Variants in CENPQ observed in about 807,000 individuals in gnomAD.
The protein encoded by CENPQ is chromosome 6 open reading frame 139.
Under a neutral mutation model 36.6 loss-of-function variants are expected in CENPQ, and 27 were observed. The ratio of observed to expected loss-of-function variants is 0.74; its 90% CI spans 0.54 to 1.02. The LOEUF (loss-of-function observed/expected upper bound fraction) is 1.02, where lower values mean the gene tolerates loss of function less well. Ranked by LOEUF, CENPQ falls within the 50% of genes least tolerant of loss-of-function variation. CENPQ has a pLI of 0.00. For synonymous variants in CENPQ, 101 were observed against 101.7 expected (o/e 0.99, Z 0.04); for missense variants, 306 against 301.8 (o/e 1.01, Z -0.10).
rs1768121222 is a variant in CENPQ, at chr6:49,471,031, A to G, written c.157+3A>G. 1.3e-6 allele frequency: 2 copies of G among 1,500,976 alleles called. No individual in the cohort carries two copies. Among genetic ancestry groups the G allele is most frequent in the Non-Finnish European group, 1.8e-6 (2 of 1,112,670 alleles). 93.0% of individuals were successfully genotyped at this position (1,500,976 alleles called of 1,614,324 possible). ...TCTGAAAGATCTGTCTTCTGAAGGT[A>G]TTTCTTTTCTATTACCTTGTTTAAC... On this transcript the variant is annotated splice_donor_region_variant and intron_variant, in intron 3 of 8. Coordinates refer to ENST00000335783, the MANE Select transcript of CENPQ (RefSeq NM_018132.4).
chr6:49,486,143 G>C (rs183069901), intron 6 of CENPQ, among the ~76,000 whole-genome samples: 1 of 152,308 alleles, frequency 6.6e-6, no homozygotes, highest in East Asian at 1.9e-4. Flanking sequence ...AAAAAGCCAC[G>C]TGAAAGCAAA....
At chr6:49,467,922 G>T (rs1288273265) in intron 1 of CENPQ, among the ~76,000 whole-genome samples, 1 of 152,162 alleles carries the variant, frequency 6.6e-6, no homozygotes, top group African/African-American at 2.4e-5. Context: ...TACTCAAAGT[G>T]TGTTCAGGAA....
At chr6:49,475,449 A>G (rs1443708689) in intron 5 of CENPQ, among the ~76,000 whole-genome samples, 1 of 152,242 alleles carries the variant, frequency 6.6e-6, no homozygotes, top group East Asian at 1.9e-4. Flanking sequence ...TTTTTATGAC[A>G]AATCCACAGC....
chr6:49,490,385 T>C (rs560724597), intron 8 of CENPQ, among the ~76,000 whole-genome samples: 21 of 152,366 alleles, frequency 1.4e-4, no homozygotes, highest in African/African-American at 4.6e-4. Context: ...TCAGCCTTCA[T>C]AGACTTGAAA....
chr6:49,470,059 G>C, intron 1 of CENPQ, 100 bp from the exon 2 acceptor site: 1 of 491,180 alleles, frequency 2.0e-6, no homozygotes. Flanking sequence ...AAAAGAGAAT[G>C]TGGAACATTT....
intron 5 of CENPQ, among the ~76,000 whole-genome samples, chr6:49,474,838 C>T (rs1424374732): frequency 6.6e-6 from 1 of 152,068 alleles, no homozygotes; most frequent in Non-Finnish European, 1.5e-5. Flanking sequence ...CACCACTGAT[C>T]CCACAGAGAT....
chr6:49,467,409 G>T (rs1768029174), intron 1 of CENPQ, among the ~76,000 whole-genome samples: 1 of 152,172 alleles, frequency 6.6e-6, no homozygotes, highest in Non-Finnish European at 1.5e-5. Flanking sequence ...ACTAGAGGTT[G>T]CAGGGAATGG....
intron 5 of CENPQ, among the ~76,000 whole-genome samples, chr6:49,477,736 CAGGG>C (rs1768332679): frequency 6.6e-6 from 1 of 151,948 alleles, no homozygotes; most frequent in African/African-American, 2.4e-5. Context: ...TGGGTTGGGT[CAGGG>C]TGGGAGTTTG....
intron 5 of CENPQ, among the ~76,000 whole-genome samples, chr6:49,473,928 TTAA>T (rs1324441352): frequency 4.6e-5 from 7 of 151,918 alleles, no homozygotes; most frequent in Non-Finnish European, 7.4e-5. Flanking sequence ...AAGAAGACCG[TTAA>T]TAATAGTAAA....
intron 6 of CENPQ, among the ~76,000 whole-genome samples, chr6:49,486,438 T>C (rs1167822263): frequency 6.6e-6 from 1 of 152,196 alleles, no homozygotes; most frequent in East Asian, 1.9e-4. Flanking sequence ...AACACAGGGC[T>C]GAGGAACCAG....
At chr6:49,470,666 T>C (rs1768110363) in intron 2 of CENPQ, among the ~76,000 whole-genome samples, 3 of 148,642 alleles carry the variant, frequency 2.0e-5, no homozygotes, top group South Asian at 4.4e-4. Flanking sequence ...TTTACCCTAC[T>C]CATTAGGCAA....
At chr6:49,488,210 A>C in intron 6 of CENPQ, 142 bp from the exon 7 acceptor site, 1 of 592,352 alleles carries the variant, frequency 1.7e-6, no homozygotes, top group Non-Finnish European at 2.8e-6. Context: ...GAAAGAAACA[A>C]AAGTAAATTC....
rs1768744283 is a variant in CENPQ, at chr6:49,492,378, A to G, written c.*103A>G. On this transcript the variant is annotated 3_prime_UTR_variant, in exon 9 of 9. Transcript: ENST00000335783. ...GTACAGAGGCTAAGGCTTCTGCAGG[A>G]TTTATTATCTCCTGATATGCACTTT... 17 of 974,084 alleles carry G rather than the reference A, an allele frequency of 1.7e-5. No individual in the cohort carries two copies. In the South Asian group the frequency reaches 3.3e-4, roughly 19 times the overall value. The allele number at this position is 974,084 out of a possible 1,614,324, so 60.3% of individuals were successfully genotyped here. A position where few individuals can be genotyped will look rare whatever the true frequency, so the allele number is the denominator to read the frequency against.
Position 49,480,983 on chromosome 6 carries a change from C to G in CENPQ, c.380C>G (p.Pro127Arg). The G allele has an allele frequency of 6.2e-7, 1 of 1,607,340 alleles. No homozygotes were observed. Among genetic ancestry groups the G allele is most frequent in the Non-Finnish European group, 8.5e-7 (1 of 1,176,410 alleles). ...LLQQCETLKVPPKKMEDLTNV... is the reference protein window; with the variant it reads ...LLQQCETLKVRPKKMEDLTNV... ...CAACAGTGTGAAACTCTGAAAGTCC[C>G]TCCCAAAAAGATGGAAGATTTAACT... Residue 127 changes from proline to arginine, a missense_variant, in exon 6 of 9, where the codon CCT becomes CGT. Transcript: ENST00000335783.
intron 6 of CENPQ, among the ~76,000 whole-genome samples, chr6:49,485,190 A>C (rs1407538214): frequency 1.3e-5 from 2 of 152,204 alleles, no homozygotes; most frequent in Non-Finnish European, 2.9e-5. Flanking sequence ...GTGCCTTAGA[A>C]CCATTGCTTT....
rs1768408868 is a variant in CENPQ at position 49,480,815 on chromosome 6, C to T, written c.348-136C>T. On this transcript the variant is annotated intron_variant, in intron 5 of 8. Coordinates refer to ENST00000335783, the MANE Select transcript of CENPQ (RefSeq NM_018132.4). ...CAGGGCTTTTAGAGGGGGAGATTTA[C>T]TGGCAATGTTACCCAGTGGTAATAA... 2.3e-5 allele frequency: 10 copies of T among 432,770 alleles called. No homozygotes were observed. In the South Asian group the frequency reaches 5.5e-4, roughly 24 times the overall value. 26.8% of individuals were successfully genotyped at this position (432,770 alleles called of 1,614,324 possible).
rs1475988835 is a variant in CENPQ at position 49,472,806 on chromosome 6, A to G, written c.295A>G (p.Ser99Gly). The G allele has an allele frequency of 1.4e-6, 2 of 1,455,348 alleles. No individual in the cohort carries two copies. The highest frequency in any genetic ancestry group is 9.3e-7 in the Non-Finnish European group (1 of 1,072,162). 90.2% of individuals were successfully genotyped at this position (1,455,348 alleles called of 1,614,324 possible). The stretch of plus-strand genomic sequence containing the variant: ...CTTTTCTAGGACAATTTTGAGTAAC[A>G]GTATTAAAGAAAAAGAAGAAATACA... ...ESVIMTILSN[S>G]IKEKEEIQYH... Residue 99 changes from serine to glycine, a missense_variant, in exon 5 of 9, where the codon AGT becomes GGT. Ser to Gly is a moderately conservative substitution (Grantham distance 56). Transcript: ENST00000335783.
At position 49,482,173 on chromosome 6, in the gene CENPQ, C is replaced by T. The variant is rs549991321; in HGVS notation, c.477+1093C>T. Among the ~76,000 whole-genome samples, 7 of 152,300 alleles carry T rather than the reference C, an allele frequency of 4.6e-5. No homozygotes were observed. The East Asian group carries it at 9.7e-4, about 21-fold the overall frequency. Reference sequence around the variant, plus strand: ...AACTCCAGCTGGCCCGCAAGCACCGCGCGCAGCCCCGGTTCCCGCTCGCAC... The same window carrying T: ...AACTCCAGCTGGCCCGCAAGCACCGTGCGCAGCCCCGGTTCCCGCTCGCAC... On this transcript the variant is annotated intron_variant, in intron 6 of 8. Transcript: ENST00000335783.
chr6:49,466,736 G>A (rs1450812868), intron 1 of CENPQ, among the ~76,000 whole-genome samples: 1 of 151,866 alleles, frequency 6.6e-6, no homozygotes, highest in African/African-American at 2.4e-5. Context: ...CGTTCTAGGT[G>A]GTTTATATAT....
Sources: allele counts gnomAD v4.1 joint callset (sites outside exome capture counted in the v4.1 genomes callset), GRCh38; gene constraint gnomAD v4.1.1; transcripts MANE v1.5; gene names NCBI Gene and HGNC (gene_info 2026-07-23, HGNC 2026-07-21).